Variants in GNA14 observed in about 807,000 individuals in gnomAD.
GNA14 encodes G protein subunit alpha 14.
GNA14 carries 50 observed loss-of-function variants against 42.0 expected under a neutral mutation model. That is an observed-to-expected ratio of 1.19 (90% CI 0.95 to 1.51). GNA14 has a LOEUF of 1.51. Among genes scored for constraint, GNA14 ranks in the 40% most tolerant of loss-of-function variants. The pLI is 0.00. For missense variants in GNA14, 473 were observed against 446.2 expected, an observed-to-expected ratio of 1.06 and a Z score of -0.54; for synonymous variants, 173 against 163.1, an observed-to-expected ratio of 1.06 and a Z score of -0.46.
intron 2 of GNA14, among the ~76,000 whole-genome samples, chr9:77,511,681 G>T (rs1837173148): frequency 6.6e-6 from 1 of 152,056 alleles, no homozygotes; most frequent in African/African-American, 2.4e-5. Context: ...CTCACCAGAG[G>T]CCTGTCTTCT....
intron 1 of GNA14, among the ~76,000 whole-genome samples, chr9:77,538,216 G>T (rs899169295): frequency 6.6e-6 from 1 of 151,980 alleles, no homozygotes; most frequent in Non-Finnish European, 1.5e-5. Flanking sequence ...GACTACAGGT[G>T]TGTGCCACCA....
intron 2 of GNA14, among the ~76,000 whole-genome samples, chr9:77,523,936 C>CG (rs1837397790): frequency 6.6e-6 from 1 of 152,170 alleles, no homozygotes; most frequent in South Asian, 2.1e-4. Flanking sequence ...ATGAGAACTT[C>CG]CCAAGTTCAA....
At chr9:77,505,997 T>G (rs1432103047) in intron 2 of GNA14, among the ~76,000 whole-genome samples, 2 of 152,070 alleles carry the variant, frequency 1.3e-5, no homozygotes, top group African/African-American at 2.4e-5. Context: ...TGGTGGCTCA[T>G]GCCTGTAAGT....
chr9:77,481,246 G>A (rs1027593025), intron 2 of GNA14, among the ~76,000 whole-genome samples: 2 of 152,120 alleles, frequency 1.3e-5, no homozygotes, highest in South Asian at 4.1e-4. Context: ...CTGGTGTGTT[G>A]TGTCTTTGTT....
chr9:77,536,303 C>A (rs1437014312), intron 1 of GNA14, among the ~76,000 whole-genome samples: 1 of 152,076 alleles, frequency 6.6e-6, no homozygotes, highest in Non-Finnish European at 1.5e-5. Context: ...AACAGCAGAA[C>A]AACGGAGCAG....
chr9:77,514,983 G>A (rs954762780), intron 2 of GNA14, among the ~76,000 whole-genome samples: 3 of 152,144 alleles, frequency 2.0e-5, no homozygotes, highest in Admixed American at 2.0e-4. Context: ...GTTTCAGGAC[G>A]TTCAGGCAGA....
intron 1 of GNA14, among the ~76,000 whole-genome samples, chr9:77,622,139 T>C (rs1823933522): frequency 6.6e-6 from 1 of 152,180 alleles, no homozygotes; most frequent in Non-Finnish European, 1.5e-5. Context: ...AAAAGAAACT[T>C]GTGTAAACAA....
Position 77,424,097 on chromosome 9 carries a change from T to C in GNA14, c.950A>G (p.Glu317Gly). The change falls in exon 7 of 7, where the codon GAG becomes GGG. Residue 317 changes from glutamate to glycine, a missense_variant. Transcript: ENST00000341700. ...KLYQDQNPDK[E>G]KVIYSHFTCA... ...TGTGAAGTGAGAGTAGATGACTTTC[T>C]CTTTGTCAGGATTCTGATCTTGGTA... 1 of 1,612,602 alleles carries C rather than the reference T, an allele frequency of 6.2e-7. No homozygotes were observed. The highest frequency in any genetic ancestry group is 1.1e-5 in the South Asian group (1 of 90,846).
chr9:77,558,936 A>C (rs990587453), intron 1 of GNA14, among the ~76,000 whole-genome samples: 19 of 150,896 alleles, frequency 1.3e-4, no homozygotes, highest in African/African-American at 3.2e-4. Flanking sequence ...AAACAAAAAA[A>C]AAAACAAAAA....
chr9:77,592,844 T>A (rs747116090), intron 1 of GNA14, among the ~76,000 whole-genome samples: 15 of 152,220 alleles, frequency 9.9e-5, no homozygotes, highest in Admixed American at 2.0e-4. Context: ...ACAGAACTCA[T>A]AACTGGACTG....
intron 2 of GNA14, among the ~76,000 whole-genome samples, chr9:77,500,963 T>TTTTTTTTTTTGA (rs1329508826): frequency 6.6e-6 from 1 of 151,782 alleles, no homozygotes; most frequent in East Asian, 1.9e-4. Context: ...TTGAACTCTT[T>TTTTTTTTTTTGA]TTTTTTTTTT....
intron 2 of GNA14, chr9:77,526,351 A>AG (rs1217876320): frequency 2.6e-5 from 4 of 152,074 alleles, no homozygotes; most frequent in African/African-American, 9.7e-5. Flanking sequence ...GGGGAGCCAG[A>AG]GGGGTTGAAT....
chr9:77,459,568 A>G (rs1055202549), intron 2 of GNA14, among the ~76,000 whole-genome samples: 1 of 152,126 alleles, frequency 6.6e-6, no homozygotes, highest in Non-Finnish European at 1.5e-5. Context: ...CACTGCTCTC[A>G]GGTCCTCATC....
intron 1 of GNA14, among the ~76,000 whole-genome samples, chr9:77,592,434 T>A (rs910271364): frequency 6.6e-6 from 1 of 152,198 alleles, no homozygotes; most frequent in East Asian, 1.9e-4. Flanking sequence ...CACTGAAAAG[T>A]AGATTTCTAG....
At chr9:77,479,726 T>C (rs1295741949) in intron 2 of GNA14, among the ~76,000 whole-genome samples, 1 of 152,196 alleles carries the variant, frequency 6.6e-6, no homozygotes, top group Non-Finnish European at 1.5e-5. Flanking sequence ...TTTATTTCAT[T>C]GAGCAGTGGT....
chr9:77,502,487 G>T (rs147150181), intron 2 of GNA14, among the ~76,000 whole-genome samples: 168 of 152,306 alleles, frequency 1.1e-3, no homozygotes, highest in African/African-American at 3.8e-3. Context: ...CTGGGTGACG[G>T]TTGGGAGATC....
At chr9:77,515,336 G>C (rs777878982) in intron 2 of GNA14, among the ~76,000 whole-genome samples, 4 of 152,192 alleles carry the variant, frequency 2.6e-5, no homozygotes, top group African/African-American at 4.8e-5. Flanking sequence ...AGAGAGAGGA[G>C]CATGTGGAAA....
intron 1 of GNA14, among the ~76,000 whole-genome samples, chr9:77,534,768 T>G (rs1185456420): frequency 6.6e-6 from 1 of 152,188 alleles, no homozygotes; most frequent in Non-Finnish European, 1.5e-5. Flanking sequence ...GGATCTTTTT[T>G]TTTCTCGTTT....
At chr9:77,623,609 C>T (rs954233468) in intron 1 of GNA14, among the ~76,000 whole-genome samples, 2 of 152,146 alleles carry the variant, frequency 1.3e-5, no homozygotes, top group African/African-American at 2.4e-5. Flanking sequence ...GTGGGTGCAA[C>T]GCACGGAGAG....
Sources: gnomAD v4.1 joint callset for allele counts (sites outside exome capture counted in the v4.1 genomes callset) on GRCh38, gnomAD v4.1.1 for gene constraint, MANE v1.5 for transcripts, NCBI Gene and HGNC (gene_info 2026-07-23, HGNC 2026-07-21) for gene names.